Variants in VWF observed in about 807,000 individuals in gnomAD.
VWF encodes von Willebrand factor, also known as Factor VIII related antigen.
Under a neutral mutation model 308.6 loss-of-function variants are expected in VWF, and 176 were observed. The ratio of observed to expected loss-of-function variants is 0.57; its 90% CI spans 0.50 to 0.65. The LOEUF (loss-of-function observed/expected upper bound fraction) is 0.65. Ranked by LOEUF, VWF falls within the 30% of genes least tolerant of loss-of-function variation. The pLI, the probability that VWF is intolerant of heterozygous loss-of-function variation, is 0.00. For synonymous variants in VWF, 1,385 were observed against 1,443.4 expected (o/e 0.96, Z 0.92); for missense variants, 3,146 against 3,648.2 (o/e 0.86, Z 3.55).
chr12:6,043,654 C>T (rs1442926733), intron 18 of VWF, among the ~76,000 whole-genome samples: 1 of 152,250 alleles, frequency 6.6e-6, no homozygotes, highest in Non-Finnish European at 1.5e-5. Context: ...AGCAGCAGAA[C>T]ATCCACATAG....
chr12:6,107,682 G>A (rs765855782), intron 5 of VWF, among the ~76,000 whole-genome samples: 4 of 151,320 alleles, frequency 2.6e-5, no homozygotes, highest in South Asian at 2.1e-4. Context: ...TTTTTGAGAC[G>A]GAGTCTCACT....
chr12:6,021,757 G>A, intron 27 of VWF, 143 bp downstream of exon 27: 4 of 1,052,642 alleles, frequency 3.8e-6, no homozygotes, highest in Non-Finnish European at 5.6e-6. Context: ...ATTAAATAAT[G>A]AATTAAATAA....
chr12:6,065,400 C>T, intron 10 of VWF, 127 bp from the exon 11 acceptor site: 2 of 1,255,400 alleles, frequency 1.6e-6, no homozygotes, highest in Middle Eastern at 2.4e-4. Context: ...TTTGCCCAAA[C>T]CAGTCTAAAA....
intron 38 of VWF, among the ~76,000 whole-genome samples, chr12:5,987,230 A>G (rs1482502517): frequency 6.6e-6 from 1 of 152,200 alleles, no homozygotes; most frequent in Non-Finnish European, 1.5e-5. Flanking sequence ...GCCCGGCCCA[A>G]ATCCATGGTT....
chr12:6,121,197 T>C lies in VWF; in HGVS notation c.197A>G (p.Gln66Arg), dbSNP rs765560613. ...ACCAATAATCGAGAAGGAGCGTTTC[T>C]GGCAGCCCCCTGCCAGGAGGTAACT... is the stretch of plus-strand genomic sequence containing the variant. ...YCSYLLAGGCQKRSFSIIGDF... is the reference protein window; with the variant it reads ...YCSYLLAGGCRKRSFSIIGDF... The change falls in exon 3 of 52, where the codon CAG becomes CGG. Residue 66 changes from glutamine to arginine, a missense_variant. By Grantham distance (43) the Gln-to-Arg change is conservative. Transcript: ENST00000261405. 2 of 1,614,218 alleles carry C rather than the reference T, an allele frequency of 1.2e-6. No individual in the cohort carries two copies. Among genetic ancestry groups the C allele is most frequent in the Middle Eastern group, 1.6e-4 (1 of 6,062 alleles).
At chr12:6,055,662 T>C (rs1182611759) in intron 15 of VWF, among the ~76,000 whole-genome samples, 2 of 152,060 alleles carry the variant, frequency 1.3e-5, no homozygotes, top group Admixed American at 6.6e-5. Flanking sequence ...AGGGTCCCCA[T>C]GCCTACACTG....
intron 48 of VWF, 35 bp downstream of exon 48, chr12:5,953,461 T>TA (rs1459267795): frequency 4.1e-5 from 65 of 1,580,236 alleles, no homozygotes; most frequent in Non-Finnish European, 5.6e-5. Context: ...AAGATGGTGA[T>TA]ATGTGAGGGA....
chr12:5,962,371 A>G (rs1208720044), intron 47 of VWF, among the ~76,000 whole-genome samples: 1 of 152,104 alleles, frequency 6.6e-6, no homozygotes, highest in East Asian at 1.9e-4. Flanking sequence ...AGGACATTAA[A>G]TACCCAAAAC....
intron 45 of VWF, among the ~76,000 whole-genome samples, chr12:5,968,876 G>A (rs1293669880): frequency 6.6e-6 from 1 of 152,080 alleles, no homozygotes; most frequent in East Asian, 1.9e-4. Flanking sequence ...ACTAGTTTTT[G>A]TTGTTGTTGC....
intron 2 of VWF, among the ~76,000 whole-genome samples, chr12:6,122,478 T>G (rs1700651121): frequency 6.6e-6 from 1 of 152,182 alleles, no homozygotes; most frequent in African/African-American, 2.4e-5. Context: ...CTAAGTGTTC[T>G]GGGTTCCCCG....
intron 6 of VWF, among the ~76,000 whole-genome samples, chr12:6,077,377 T>G (rs1944856201): frequency 6.6e-6 from 1 of 152,142 alleles, no homozygotes; most frequent in South Asian, 2.1e-4. Context: ...GCTGCTCAAC[T>G]GCAGAAGTGC....
chr12:5,956,273 T>C (rs1432125840), intron 47 of VWF, among the ~76,000 whole-genome samples: 4 of 152,334 alleles, frequency 2.6e-5, no homozygotes, highest in Admixed American at 2.0e-4. Context: ...CTTCTACTTA[T>C]TAAAAATATA....
intron 25 of VWF, among the ~76,000 whole-genome samples, chr12:6,023,413 CAT>C (rs1944152481): frequency 2.0e-5 from 3 of 152,206 alleles, no homozygotes; most frequent in African/African-American, 7.2e-5. Flanking sequence ...AAAGTCTCCA[CAT>C]GTTCATGCCT....
intron 1 of VWF, among the ~76,000 whole-genome samples, chr12:6,123,898 C>A (rs1250513400): frequency 6.6e-6 from 1 of 152,144 alleles, no homozygotes; most frequent in Admixed American, 6.5e-5. Flanking sequence ...TACCCCAAGT[C>A]ACTTAGAGCC....
At chr12:6,083,304 G>A (rs532521177) in intron 6 of VWF, among the ~76,000 whole-genome samples, 8 of 152,134 alleles carry the variant, frequency 5.3e-5, no homozygotes, top group East Asian at 1.9e-4. Context: ...GTGAGCCACC[G>A]CAACCGGCCT....
chr12:6,080,023 C>G (rs1314562482), intron 6 of VWF, among the ~76,000 whole-genome samples: 6 of 152,132 alleles, frequency 3.9e-5, no homozygotes, highest in Admixed American at 3.9e-4. Context: ...TGCATTTCCC[C>G]CTTCTTTGGC....
At chr12:5,969,430 G>C in intron 44 of VWF, 39 bp from the exon 45 acceptor site, 1 of 1,613,078 alleles carries the variant, frequency 6.2e-7, no homozygotes, top group Non-Finnish European at 8.5e-7. Context: ...GCTGGGGCAG[G>C]GCTGGAGCCC....
At chr12:6,026,623 A>T (rs1333564051) in intron 22 of VWF, among the ~76,000 whole-genome samples, 2 of 152,240 alleles carry the variant, frequency 1.3e-5, no homozygotes, top group Non-Finnish European at 2.9e-5. Context: ...ACAAGTTCTG[A>T]AAAAGTAGTT....
chr12:6,064,405 G>A (rs929376977), intron 11 of VWF, 21 bp from the exon 12 acceptor site: 1 of 1,613,760 alleles, frequency 6.2e-7, no homozygotes, highest in Non-Finnish European at 8.5e-7. Flanking sequence ...GGAACACAGG[G>A]TGACTTTGCT....
Sources: allele counts gnomAD v4.1 joint callset (sites outside exome capture counted in the v4.1 genomes callset), GRCh38; gene constraint gnomAD v4.1.1; transcripts MANE v1.5; gene names NCBI Gene and HGNC (gene_info 2026-07-23, HGNC 2026-07-21).